Variants in KCNAB1 observed in about 807,000 individuals in gnomAD.
KCNAB1 encodes the protein potassium voltage-gated channel subfamily A regulatory beta subunit 1.
A neutral mutation model predicts 64.6 loss-of-function variants in KCNAB1; 35 were observed. The ratio of observed to expected loss-of-function variants is 0.54; its 90% CI spans 0.41 to 0.72. KCNAB1 has a LOEUF of 0.72. KCNAB1 is among the 30% of genes least tolerant of loss of function. The pLI, the probability that KCNAB1 is intolerant of heterozygous loss-of-function variation, is 0.00. For synonymous variants in KCNAB1, 177 were observed against 183.8 expected (o/e 0.96, Z 0.30); for missense variants, 401 against 512.9 (o/e 0.78, Z 2.11).
At chr3:156,120,475 T>C (rs1713269199), upstream of KCNAB1, 1 of 994,462 alleles carries the variant, frequency 1.0e-6, no homozygotes, top group Non-Finnish European at 1.5e-6. Flanking sequence ...CAGACTGGGC[T>C]CAATTACAGC....
At chr3:156,524,309 A>G in intron 12 of KCNAB1, 1 of 166,994 alleles carries the variant, frequency 6.0e-6, no homozygotes, top group South Asian at 1.8e-4. Flanking sequence ...GATGAGATAC[A>G]GGGCTGTGAC....
intron 1 of KCNAB1, among the ~76,000 whole-genome samples, chr3:156,160,656 C>T (rs1479111169): frequency 6.6e-6 from 1 of 152,132 alleles, no homozygotes; most frequent in African/African-American, 2.4e-5. Context: ...GCATAGGAAA[C>T]TGATAGGAAG....
rs1257758146 is a variant in KCNAB1 at position 156,535,626 on chromosome 3, C to T, written c.1171-1032C>T. On this transcript the variant is annotated intron_variant, in intron 13 of 13. Coordinates refer to ENST00000490337, the MANE Select transcript of KCNAB1 (RefSeq NM_172160.3). ...TCCTATTCTCTCCCAACTTCTTATT[C>T]CCCAAACTACTTCTCCTTTGGTTTC... Among the ~76,000 whole-genome samples the T allele has an allele frequency of 3.9e-5, 6 of 152,278 alleles. No individual in the cohort carries two copies. The South Asian group carries it at 8.3e-4, about 21-fold the overall frequency.
intron 1 of KCNAB1, among the ~76,000 whole-genome samples, chr3:156,169,017 T>C (rs951945906): frequency 2.8e-4 from 6 of 21,736 alleles, no homozygotes; most frequent in African/African-American, 8.0e-4. Context: ...CTATGAACAC[T>C]GATGCTATAT....
chr3:156,414,414 A>G (rs1039107489), intron 1 of KCNAB1, among the ~76,000 whole-genome samples: 1 of 152,270 alleles, frequency 6.6e-6, no homozygotes, highest in Non-Finnish European at 1.5e-5. Context: ...TTAATGTATT[A>G]ACAAGTTCTA....
At chr3:156,158,184 AAAT>A (rs1420607554) in intron 1 of KCNAB1, among the ~76,000 whole-genome samples, 362 of 32,316 alleles carry the variant, frequency 0.011, 16 homozygotes, top group East Asian at 0.071. Flanking sequence ...AATAAAAAAT[AAAT>A]AAATAAATAA....
intron 1 of KCNAB1, among the ~76,000 whole-genome samples, chr3:156,297,658 C>T (rs1041885861): frequency 5.9e-5 from 9 of 152,170 alleles, no homozygotes; most frequent in Non-Finnish European, 1.2e-4. Flanking sequence ...ATGTCACAGT[C>T]ACCATTCTTT....
At chr3:156,463,654 A>G in intron 5 of KCNAB1, 48 bp from the exon 6 acceptor site, 1 of 1,398,842 alleles carries the variant, frequency 7.1e-7, no homozygotes, top group East Asian at 2.3e-5. Flanking sequence ...CGGTACAATA[A>G]CCTGCATTTA....
chr3:156,313,939 G>A (rs931358935), intron 1 of KCNAB1, among the ~76,000 whole-genome samples: 1 of 152,190 alleles, frequency 6.6e-6, no homozygotes, highest in African/African-American at 2.4e-5. Flanking sequence ...ATTGATTTAA[G>A]CTCAAAGCCC....
chr3:156,297,295 G>T (rs1372081730), intron 1 of KCNAB1, among the ~76,000 whole-genome samples: 1 of 137,906 alleles, frequency 7.3e-6, no homozygotes, highest in African/African-American at 2.6e-5. Context: ...TACTCAGAGG[G>T]TTTGTACAGG....
chr3:156,218,801 A>AAAAAAAAAAAAAAAT (rs371264941), intron 1 of KCNAB1, among the ~76,000 whole-genome samples: 13 of 112,250 alleles, frequency 1.2e-4, no homozygotes, highest in East Asian at 2.8e-4. Context: ...AAAAAAAAAA[A>AAAAAAAAAAAAAAAT]AATAATAATA....
At chr3:156,139,702 G>C (rs573043023) in intron 1 of KCNAB1, among the ~76,000 whole-genome samples, 2 of 146,378 alleles carry the variant, frequency 1.4e-5, no homozygotes, top group East Asian at 2.2e-4. Context: ...AATGGAAATA[G>C]GTTTATGAGA....
At chr3:156,118,334 G>A, upstream of KCNAB1, 1 of 455,732 alleles carries the variant, frequency 2.2e-6, no homozygotes, top group Non-Finnish European at 4.4e-6. Context: ...GCAAGGCAAT[G>A]TTAAGGTAAT....
intron 7 of KCNAB1, among the ~76,000 whole-genome samples, chr3:156,469,374 A>G (rs1713703154): frequency 1.3e-5 from 2 of 148,744 alleles, no homozygotes; most frequent in Admixed American, 6.8e-5. Flanking sequence ...CTCTTGCCTC[A>G]GCCTCCCAGG....
chr3:156,210,640 C>A (rs188390251), intron 1 of KCNAB1, among the ~76,000 whole-genome samples: 1 of 152,178 alleles, frequency 6.6e-6, no homozygotes, highest in Non-Finnish European at 1.5e-5. Context: ...ATCACCAAAC[C>A]GGGTCCAGAG....
At position 156,538,460 on chromosome 3, in the gene KCNAB1, A is replaced by C. The variant is rs1305860262; in HGVS notation, c.*1713A>C. On this transcript the variant is annotated 3_prime_UTR_variant, in exon 14 of 14. Coordinates refer to ENST00000490337, the MANE Select transcript of KCNAB1 (RefSeq NM_172160.3). ...TTGCCCGTGTTATCAGAATGATGGA[A>C]ATTGATCATTTTCAGTTGTTCATTG... 6.6e-6 allele frequency: 1 copy of C among 152,212 alleles called. No homozygotes were observed. The highest frequency in any genetic ancestry group is 1.9e-4 in the East Asian group (1 of 5,206). The allele number at this position is 152,212 out of a possible 1,614,324, so 9.4% of individuals were successfully genotyped here. A position where few individuals can be genotyped will look rare whatever the true frequency, so the allele number is the denominator to read the frequency against.
At chr3:156,143,569 G>GGTTTTTTTTTTT in intron 1 of KCNAB1, 1 of 292,194 alleles carries the variant, frequency 3.4e-6, no homozygotes. Context: ...TTGCATTCTT[G>GGTTTTTTTTTTT]TTTTTTTTTT....
At chr3:156,171,164 C>T (rs903684235) in intron 1 of KCNAB1, among the ~76,000 whole-genome samples, 13 of 142,654 alleles carry the variant, frequency 9.1e-5, no homozygotes, top group Admixed American at 8.3e-4. Flanking sequence ...CTCTGAGCAC[C>T]GGCTTATAGT....
intron 1 of KCNAB1, among the ~76,000 whole-genome samples, chr3:156,396,040 C>T (rs1576813879): frequency 6.6e-6 from 1 of 152,178 alleles, no homozygotes; most frequent in Non-Finnish European, 1.5e-5. Flanking sequence ...GTAATAAGAA[C>T]GTTAAACAAT....
Sources: allele counts gnomAD v4.1 joint callset (sites outside exome capture counted in the v4.1 genomes callset), GRCh38; gene constraint gnomAD v4.1.1; transcripts MANE v1.5; gene names NCBI Gene and HGNC (gene_info 2026-07-23, HGNC 2026-07-21).